Variants in SIPA1L2 observed in about 807,000 individuals in gnomAD.
SIPA1L2 encodes signal induced proliferation associated 1 like 2.
A neutral mutation model predicts 163.9 loss-of-function variants in SIPA1L2; 56 were observed. The observed-to-expected ratio is 0.34, with a 90% CI of 0.28 to 0.43. The LOEUF is 0.43. SIPA1L2 is among the 20% of genes least tolerant of loss of function. The pLI is 1.00. For synonymous variants in SIPA1L2, 877 were observed against 865.7 expected, an observed-to-expected ratio of 1.01 and a Z score of -0.23; for missense variants, 1,974 against 2,193.5, an observed-to-expected ratio of 0.90 and a Z score of 2.00.
At chr1:232,441,234 G>T in intron 14 of SIPA1L2, 57 bp downstream of exon 14, 2 of 1,342,726 alleles carry the variant, frequency 1.5e-6, no homozygotes, top group Non-Finnish European at 2.1e-6. Flanking sequence ...ACCACTGTGT[G>T]CTGAGACAGA....
chr1:232,563,224 A>G (rs1158828661), intron 2 of SIPA1L2, among the ~76,000 whole-genome samples: 4 of 152,204 alleles, frequency 2.6e-5, no homozygotes, highest in Admixed American at 6.5e-5. Flanking sequence ...CTCAACTCCT[A>G]AACAACAGAC....
At chr1:232,438,927 G>C (rs1293200977) in intron 15 of SIPA1L2, among the ~76,000 whole-genome samples, 181 bp downstream of exon 15, 1 of 151,394 alleles carries the variant, frequency 6.6e-6, no homozygotes, top group Non-Finnish European at 1.5e-5. Flanking sequence ...TTGTTAACAT[G>C]CAAGCTTTGA....
intron 3 of SIPA1L2, among the ~76,000 whole-genome samples, chr1:232,501,691 G>T (rs1352933075): frequency 6.6e-6 from 1 of 152,148 alleles, no homozygotes. Flanking sequence ...CTGGCTACAG[G>T]GGGAGGAGAG....
chr1:232,622,757 T>TC (rs1395640809), intron 1 of SIPA1L2, among the ~76,000 whole-genome samples: 1 of 152,178 alleles, frequency 6.6e-6, no homozygotes, highest in Non-Finnish European at 1.5e-5. Flanking sequence ...CAATCACAGG[T>TC]CATTTCAAAC....
intron 5 of SIPA1L2, among the ~76,000 whole-genome samples, chr1:232,489,508 AAT>A (rs1401062320): frequency 7.1e-6 from 1 of 141,596 alleles, no homozygotes; most frequent in Non-Finnish European, 1.5e-5. Flanking sequence ...TTTTTTTTTT[AAT>A]ATGTCAGCTT....
chr1:232,425,848 A>T (rs1279642317), intron 17 of SIPA1L2, 40 bp from the exon 18 acceptor site: 1 of 1,568,518 alleles, frequency 6.4e-7, no homozygotes, highest in East Asian at 2.3e-5. Flanking sequence ...ACAGACATTA[A>T]AAAAACGAAT....
chr1:232,412,954 G>A (rs931200506), intron 19 of SIPA1L2, among the ~76,000 whole-genome samples: 1 of 152,128 alleles, frequency 6.6e-6, no homozygotes, highest in Admixed American at 6.5e-5. Flanking sequence ...TTGGCAAATA[G>A]AATATTACAT....
intron 1 of SIPA1L2, among the ~76,000 whole-genome samples, chr1:232,597,363 C>A (rs1661312913): frequency 6.6e-6 from 1 of 151,902 alleles, no homozygotes; most frequent in African/African-American, 2.4e-5. Flanking sequence ...GACTCAGGGG[C>A]CTGAACATCA....
intron 1 of SIPA1L2, among the ~76,000 whole-genome samples, chr1:232,587,267 G>A (rs892554443): frequency 1.3e-5 from 2 of 152,120 alleles, no homozygotes; most frequent in African/African-American, 2.4e-5. Flanking sequence ...CCCAGTCAAA[G>A]TGCCACACTC....
chr1:232,584,341 C>T (rs1483949904), intron 1 of SIPA1L2, among the ~76,000 whole-genome samples: 1 of 152,212 alleles, frequency 6.6e-6, no homozygotes, highest in Non-Finnish European at 1.5e-5. Flanking sequence ...TCTCCTGCCT[C>T]AGCCTCCCGA....
At position 232,438,454 on chromosome 1, in the gene SIPA1L2, G is replaced by A. The variant is rs769903363; in HGVS notation, c.4031+654C>T. Among the ~76,000 whole-genome samples, 4 of 152,292 alleles carry A rather than the reference G, an allele frequency of 2.6e-5. No homozygotes were observed. In the South Asian group the frequency reaches 6.2e-4, roughly 24 times the overall value. ...GTCTTTGAAAGTGAAGGCAGAAATC[G>A]CAAATTAGGTATTTTAAAACCACTG... On this transcript the variant is annotated intron_variant, in intron 15 of 22. Transcript: ENST00000674635.
chr1:232,507,787 A>G lies in SIPA1L2; in HGVS notation c.1483+6070T>C, dbSNP rs185268697. On this transcript the variant is annotated intron_variant, in intron 3 of 22. Coordinates refer to ENST00000674635, the MANE Select transcript of SIPA1L2 (RefSeq NM_020808.5). ...GCATCTCCTCATGCATTCAGTGCAGATAACGATAATTGATAATGGCTCTTA... is the reference window on the plus strand; with the variant it reads ...GCATCTCCTCATGCATTCAGTGCAGGTAACGATAATTGATAATGGCTCTTA... 1.7e-3 allele frequency among the ~76,000 whole-genome samples: 262 copies of G among 152,334 alleles called. 1 individual carries two copies. The highest frequency in any genetic ancestry group is 6.2e-3 in the African/African-American group (256 of 41,574).
At chr1:232,511,047 T>A (rs530679325) in intron 3 of SIPA1L2, among the ~76,000 whole-genome samples, 159 of 152,260 alleles carry the variant, frequency 1.0e-3, no homozygotes, top group African/African-American at 3.6e-3. Flanking sequence ...ATAACCTTAA[T>A]TAGGAAGCCT....
intron 2 of SIPA1L2, among the ~76,000 whole-genome samples, chr1:232,537,427 C>G (rs779642375): frequency 6.6e-6 from 1 of 151,558 alleles, no homozygotes; most frequent in African/African-American, 2.4e-5. Flanking sequence ...TTAAGAAGAA[C>G]AATAGTAGCA....
intron 2 of SIPA1L2, among the ~76,000 whole-genome samples, chr1:232,517,046 T>C (rs909431116): frequency 2.6e-5 from 4 of 152,150 alleles, no homozygotes; most frequent in Non-Finnish European, 4.4e-5. Flanking sequence ...TACGGGTAAA[T>C]TGCAGTGTTT....
At chr1:232,432,589 C>T in intron 15 of SIPA1L2, 118 bp from the exon 16 acceptor site, 1 of 880,254 alleles carries the variant, frequency 1.1e-6, no homozygotes, top group Non-Finnish European at 1.8e-6. Flanking sequence ...AAAATCGGGC[C>T]CAGTGAGGCA....
At chr1:232,455,792 T>G (rs1397095071) in intron 10 of SIPA1L2, among the ~76,000 whole-genome samples, 1 of 151,700 alleles carries the variant, frequency 6.6e-6, no homozygotes, top group Non-Finnish European at 1.5e-5. Flanking sequence ...AAACCATGTC[T>G]TTTGCAGCAA....
chr1:232,536,070 G>A lies in SIPA1L2; in HGVS notation c.-269-20462C>T, dbSNP rs142207356. On this transcript the variant is annotated intron_variant, in intron 2 of 22. Coordinates refer to ENST00000674635, the MANE Select transcript of SIPA1L2 (RefSeq NM_020808.5). ...GGAAGGCATACTGAGGACCTGCCAAGGAATCTGGTGAGAAGAGATTTGGCT... is the reference window on the plus strand; with the variant it reads ...GGAAGGCATACTGAGGACCTGCCAAAGAATCTGGTGAGAAGAGATTTGGCT... Among the ~76,000 whole-genome samples the A allele has an allele frequency of 1.5e-3, 225 of 152,302 alleles. 1 individual carries two copies. Among genetic ancestry groups the A allele is most frequent in the African/African-American group, 5.2e-3 (216 of 41,572 alleles).
chr1:232,568,860 A>G (rs1659556258), intron 2 of SIPA1L2, among the ~76,000 whole-genome samples: 1 of 152,200 alleles, frequency 6.6e-6, no homozygotes, highest in Non-Finnish European at 1.5e-5. Context: ...ACACAGATCC[A>G]CAGTCATCTC....
Sources: gnomAD v4.1 joint callset for allele counts (sites outside exome capture counted in the v4.1 genomes callset) on GRCh38, gnomAD v4.1.1 for gene constraint, MANE v1.5 for transcripts, NCBI Gene and HGNC (gene_info 2026-07-23, HGNC 2026-07-21) for gene names.